ERCC8: variants seen among roughly 807,000 people sequenced by gnomAD.
The protein encoded by ERCC8 is ERCC excision repair 8, CSA ubiquitin ligase complex subunit, also known as DNA excision repair protein ERCC-8.
A neutral mutation model predicts 54.9 loss-of-function variants in ERCC8; 52 were observed. The observed-to-expected ratio is 0.95, with a 90% CI of 0.76 to 1.19. ERCC8 has a LOEUF of 1.19. Ranked by LOEUF, ERCC8 falls within the 50% of genes most tolerant of loss-of-function variation. The pLI is 0.00. For missense variants in ERCC8, 514 were observed against 466.1 expected (o/e 1.10, Z -0.95); for synonymous variants, 146 against 157.2 (o/e 0.93, Z 0.53).
At chr5:60,878,588 G>A (rs572152878) in intron 11 of ERCC8, among the ~76,000 whole-genome samples, 10 of 152,206 alleles carry the variant, frequency 6.6e-5, no homozygotes, top group South Asian at 4.1e-4. Flanking sequence ...CTTCTTCCTC[G>A]TTTAGTCTTG....
chr5:60,875,377 T>TA (rs1045746056), intron 11 of ERCC8, among the ~76,000 whole-genome samples: 15 of 152,218 alleles, frequency 9.9e-5, no homozygotes, highest in Non-Finnish European at 2.1e-4. Context: ...GTCTGAAGGA[T>TA]AACATGCATC....
intron 11 of ERCC8, among the ~76,000 whole-genome samples, chr5:60,879,593 T>C (rs1212269381): frequency 2.6e-5 from 4 of 152,266 alleles, no homozygotes; most frequent in African/African-American, 9.6e-5. Context: ...TTAGCTCTTC[T>C]TGTTGAATTG....
chr5:60,906,789 A>G (rs1256482902), intron 4 of ERCC8, among the ~76,000 whole-genome samples: 1 of 152,142 alleles, frequency 6.6e-6, no homozygotes, highest in Non-Finnish European at 1.5e-5. Flanking sequence ...TAAAAAAAAT[A>G]GAGTATTAAC....
At chr5:60,887,948 G>T (rs1306819236) in intron 10 of ERCC8, among the ~76,000 whole-genome samples, 1 of 152,162 alleles carries the variant, frequency 6.6e-6, no homozygotes, top group Non-Finnish European at 1.5e-5. Flanking sequence ...ACTTACAGCT[G>T]CCTAACTGGC....
In ERCC8 at chr5:60,911,139, C is replaced by T. The variant is rs142297679; in HGVS notation, c.400-6266G>A. On this transcript the variant is annotated intron_variant, in intron 4 of 11. Transcript: ENST00000676185. ...GGTTTGTTACATAGGTATATATGTG[C>T]CATGTTGGTTTGCTGCACCCATTAA... Among the ~76,000 whole-genome samples the T allele has an allele frequency of 5.1e-3, 775 of 152,142 alleles. 11 individuals carry two copies. The highest frequency in any genetic ancestry group is 0.018 in the African/African-American group (758 of 41,498).
intron 1 of ERCC8, among the ~76,000 whole-genome samples, chr5:60,937,245 G>A (rs921848013): frequency 3.9e-5 from 6 of 152,228 alleles, no homozygotes; most frequent in Non-Finnish European, 8.8e-5. Flanking sequence ...CTGGTTTTGT[G>A]TTGGTTGGCC....
chr5:60,919,733 G>A (rs780364709), intron 3 of ERCC8, among the ~76,000 whole-genome samples: 5 of 152,026 alleles, frequency 3.3e-5, no homozygotes, highest in Middle Eastern at 6.8e-3. Context: ...AAATGAACAT[G>A]ACCTTGAAAT....
At position 60,870,482 on chromosome 5, in the gene ERCC8, T is replaced by TAAAAAAAAAAAA. The variant is rs57423118; in HGVS notation, c.*4121_*4132dup. 6.1e-5 allele frequency among the ~76,000 whole-genome samples: 3 copies of TAAAAAAAAAAAA among 48,806 alleles called. 1 individual carries two copies. Among genetic ancestry groups the TAAAAAAAAAAAA allele is most frequent in the Admixed American group, 5.5e-4 (2 of 3,606 alleles). 32.0% of individuals were successfully genotyped at this position (48,806 alleles called of 152,430 possible). On this transcript the variant is annotated 3_prime_UTR_variant, in exon 12 of 12. Transcript: ENST00000676185. The stretch of plus-strand genomic sequence containing the variant: ...CAACATGGTGAAACCCCACCTCTGC[T>TAAAAAAAAAAAA]AAAAAAAAAAAAAAAAAAAAAAAAA...
chr5:60,898,334 G>A lies in ERCC8; in HGVS notation c.785C>T (p.Thr262Ile). Residue 262 changes from threonine (T) to isoleucine (I), a missense_variant, in exon 9 of 12, where the codon ACT (threonine) becomes ATT (isoleucine). Coordinates refer to ENST00000676185, the MANE Select transcript of ERCC8 (RefSeq NM_000082.4). ...CFTSDGLHLL[T>I]VGTDNRMRLW... ...CCTCATTCGATTATCTGTACCAACA[G>A]TGAGGAGGTGAAGTCCATCACTTGT... 6.2e-7 allele frequency: 1 copy of A among 1,613,510 alleles called. No individual in the cohort carries two copies. The highest frequency in any genetic ancestry group is 8.5e-7 in the Non-Finnish European group (1 of 1,179,576).
intron 1 of ERCC8, among the ~76,000 whole-genome samples, chr5:60,938,042 TA>T (rs1750125656): frequency 1.2e-5 from 1 of 82,120 alleles, no homozygotes; most frequent in Non-Finnish European, 2.2e-5. Flanking sequence ...CATACATACA[TA>T]CATACATATA....
At chr5:60,924,111 ATTTGTCCTGT>A (rs1749681977) in intron 2 of ERCC8, among the ~76,000 whole-genome samples, 1 of 151,972 alleles carries the variant, frequency 6.6e-6, no homozygotes, top group South Asian at 2.1e-4. Flanking sequence ...AAACCAGATC[ATTTGTCCTGT>A]AATTTCCAGC....
chr5:60,908,327 A>C (rs1749139648), intron 4 of ERCC8, among the ~76,000 whole-genome samples: 2 of 151,966 alleles, frequency 1.3e-5, no homozygotes, highest in African/African-American at 4.8e-5. Flanking sequence ...AGGGACACTC[A>C]GTACATAGTG....
intron 2 of ERCC8, chr5:60,924,297 T>C (rs1162275978): frequency 6.6e-6 from 1 of 152,650 alleles, no homozygotes; most frequent in African/African-American, 2.4e-5. Flanking sequence ...TCACCGTCAA[T>C]CCTTAAGTTG....
chr5:60,928,461 T>A (rs1749815342), intron 2 of ERCC8, among the ~76,000 whole-genome samples: 3 of 152,224 alleles, frequency 2.0e-5, no homozygotes. Flanking sequence ...AACTCAAATA[T>A]AATTCTTATT....
chr5:60,927,816 C>A (rs1296091246), intron 2 of ERCC8, among the ~76,000 whole-genome samples: 2 of 152,190 alleles, frequency 1.3e-5, no homozygotes, highest in Admixed American at 1.3e-4. Context: ...AATTATTACT[C>A]ATCTTTTAGA....
At chr5:60,898,151 A>T in intron 9 of ERCC8, 125 bp downstream of exon 9, 1 of 1,107,846 alleles carries the variant, frequency 9.0e-7, no homozygotes, top group Non-Finnish European at 1.3e-6. Context: ...ACATAGTAGA[A>T]ACACATTTTT....
intron 1 of ERCC8, among the ~76,000 whole-genome samples, chr5:60,937,783 CT>C (rs1228719557): frequency 1.3e-5 from 2 of 152,162 alleles, no homozygotes; most frequent in African/African-American, 4.8e-5. Context: ...CGGCAATCCA[CT>C]TCCTTCAAAG....
At chr5:60,944,854 G>T in intron 1 of ERCC8, 78 bp downstream of exon 1, 1 of 1,067,074 alleles carries the variant, frequency 9.4e-7, no homozygotes, top group Non-Finnish European at 1.5e-6. Flanking sequence ...GATGAGACGG[G>T]AAAGTGTGGG....
chr5:60,917,915 C>G (rs1316067578), intron 4 of ERCC8: 1 of 220,158 alleles, frequency 4.5e-6, no homozygotes, highest in Non-Finnish European at 9.2e-6. Context: ...GTATTTTTCA[C>G]AAAGGGATAA....
Sources: allele counts gnomAD v4.1 joint callset (sites outside exome capture counted in the v4.1 genomes callset), GRCh38; gene constraint gnomAD v4.1.1; transcripts MANE v1.5; gene names NCBI Gene and HGNC (gene_info 2026-07-23, HGNC 2026-07-21).